The following ZNF69 variants were observed in gnomAD, a reference collection of about 807,000 sequenced individuals.
The protein encoded by ZNF69 is zinc finger protein 69.
Under a neutral mutation model 50.9 loss-of-function variants are expected in ZNF69, and 47 were observed. The ratio of observed to expected loss-of-function variants is 0.92; its 90% confidence interval spans 0.73 to 1.18. ZNF69 has a LOEUF of 1.18. Ranked by LOEUF, ZNF69 falls within the 50% of genes most tolerant of loss-of-function variation. The pLI is 0.00. For synonymous variants in ZNF69, 216 were observed against 223.1 expected, an observed-to-expected ratio of 0.97 and a Z score of 0.29; for missense variants, 717 against 675.1, an observed-to-expected ratio of 1.06 and a Z score of -0.69.
At chr19:11,971,056 G>A in the ZNF69 span, among the ~76,000 whole-genome samples, 2 of 152,138 alleles carry the variant, frequency 1.3e-5, no homozygotes, top group East Asian at 3.8e-4. Flanking sequence ...GTTCAAAGCT[G>A]CAGTGTATAG....
the ZNF69 span, among the ~76,000 whole-genome samples, chr19:11,971,772 A>G: frequency 6.6e-6 from 1 of 152,186 alleles, no homozygotes. Context: ...TAGTTTTAAT[A>G]GAAATTTGTG....
the ZNF69 span, among the ~76,000 whole-genome samples, chr19:11,965,391 G>T: frequency 2.0e-5 from 3 of 152,204 alleles, no homozygotes; most frequent in Non-Finnish European, 4.4e-5. Flanking sequence ...CTGGCAGCCG[G>T]GACCCCGGGT....
chr19:11,925,325 AGGCGGGAACCGGCTGT>A, the ZNF69 span: 1 of 1,602,052 alleles, frequency 6.2e-7, no homozygotes, highest in South Asian at 1.1e-5. Context: ...TGCCTGGAAC[AGGCGGGAACCGGCTGT>A]GGCGGGACCC....
chr19:11,967,283 GC>G, the ZNF69 span, among the ~76,000 whole-genome samples: 1 of 152,158 alleles, frequency 6.6e-6, no homozygotes, highest in Non-Finnish European at 1.5e-5. Flanking sequence ...TTGCAGCCCA[GC>G]CGAGGACTCG....
the ZNF69 span, chr19:11,965,211 G>A: frequency 1.2e-6 from 2 of 1,614,116 alleles, no homozygotes; most frequent in East Asian, 2.2e-5. Flanking sequence ...GCCAGGAAAT[G>A]GTGCGTGTGC....
chr19:11,893,728 G>A (rs1480197335), intron 1 of ZNF69, among the ~76,000 whole-genome samples: 1 of 152,142 alleles, frequency 6.6e-6, no homozygotes, highest in Admixed American at 6.5e-5. Context: ...GTGCCTTAGG[G>A]GAGTGGGGCC....
At chr19:11,956,635 C>G in the ZNF69 span, 1 of 398,156 alleles carries the variant, frequency 2.5e-6, no homozygotes, top group Non-Finnish European at 4.4e-6. Context: ...GCAGATGGAG[C>G]ATCTCAGGTA....
At chr19:11,888,180 TGTCTC>T (rs1403013112) in intron 1 of ZNF69, among the ~76,000 whole-genome samples, 194 bp downstream of exon 1, 3 of 152,206 alleles carry the variant, frequency 2.0e-5, no homozygotes, top group Non-Finnish European at 2.9e-5. Context: ...CCAGGCGTCC[TGTCTC>T]GTCTCTGCGC....
At chr19:11,942,143 G>T in the ZNF69 span, among the ~76,000 whole-genome samples, 1 of 150,844 alleles carries the variant, frequency 6.6e-6, no homozygotes, top group Admixed American at 6.7e-5. Flanking sequence ...CATCATAATG[G>T]ATGTTTCTTT....
At chr19:11,974,040 TTTTC>T in the ZNF69 span, among the ~76,000 whole-genome samples, 3,609 of 150,320 alleles carry the variant, frequency 0.024, 134 homozygotes, top group African/African-American at 0.08. Context: ...TGCCTCATTG[TTTTC>T]TTTCTTTCTT....
the ZNF69 span, chr19:11,949,460 G>A: frequency 6.2e-7 from 1 of 1,613,108 alleles, no homozygotes; most frequent in African/African-American, 1.3e-5. Context: ...TGTAAGGAAT[G>A]TGGGAAAGCC....
At chr19:11,892,435 A>G (rs1453453076) in intron 1 of ZNF69, among the ~76,000 whole-genome samples, 1 of 152,098 alleles carries the variant, frequency 6.6e-6, no homozygotes, top group East Asian at 1.9e-4. Flanking sequence ...GAGAAAGTTA[A>G]GAGGGAAGTT....
chr19:11,909,527 T>C (rs974146727), downstream of ZNF69, among the ~76,000 whole-genome samples: 1 of 152,190 alleles, frequency 6.6e-6, no homozygotes, highest in Non-Finnish European at 1.5e-5. Flanking sequence ...TGCAAAGCAA[T>C]AAACGTAATC....
intron 1 of ZNF69, among the ~76,000 whole-genome samples, chr19:11,899,760 G>T (rs947490727): frequency 6.6e-6 from 1 of 152,058 alleles, no homozygotes; most frequent in Non-Finnish European, 1.5e-5. Context: ...CAATATGTAG[G>T]AATGAGACTA....
the ZNF69 span, among the ~76,000 whole-genome samples, chr19:11,931,796 C>A: frequency 6.8e-6 from 1 of 148,124 alleles, no homozygotes; most frequent in African/African-American, 2.6e-5. Context: ...CTTCTTGAGA[C>A]TTTTTTGGAC....
At chr19:11,911,864 A>G (rs1972463322) in intron 4 of ZNF69, among the ~76,000 whole-genome samples, 1 of 152,206 alleles carries the variant, frequency 6.6e-6, no homozygotes, top group African/African-American at 2.4e-5. Flanking sequence ...GACCTTATAA[A>G]TGTAAGATAT....
chr19:11,911,815 A>G (rs1269036761), intron 4 of ZNF69, among the ~76,000 whole-genome samples: 2 of 150,736 alleles, frequency 1.3e-5, no homozygotes, highest in South Asian at 2.1e-4. Flanking sequence ...AACTTAAAGT[A>G]TAATAATAAT....
At chr19:11,953,668 C>G in the ZNF69 span, among the ~76,000 whole-genome samples, 2 of 152,154 alleles carry the variant, frequency 1.3e-5, no homozygotes, top group Non-Finnish European at 2.9e-5. Flanking sequence ...CAGTGGGACC[C>G]TCTCATGGGA....
the ZNF69 span, chr19:11,965,204 AG>A: frequency 6.2e-7 from 1 of 1,613,944 alleles, no homozygotes; most frequent in Non-Finnish European, 8.5e-7. Context: ...TCTGAAAGCC[AG>A]GAAATGGTGC....
Sources: allele counts gnomAD v4.1 joint callset (sites outside exome capture counted in the v4.1 genomes callset), GRCh38; gene constraint gnomAD v4.1.1; transcripts MANE v1.5; gene names NCBI Gene and HGNC (gene_info 2026-07-23, HGNC 2026-07-21).